RBFOX1: variants seen among roughly 807,000 people sequenced by gnomAD.
RBFOX1 encodes the protein RNA binding fox-1 homolog 1.
Under a neutral mutation model 57.7 loss-of-function variants are expected in RBFOX1, and 8 were observed. The ratio of observed to expected loss-of-function variants is 0.14; its 90% CI spans 0.08 to 0.25. The LOEUF (loss-of-function observed/expected upper bound fraction) is 0.25. RBFOX1 is among the 10% of genes least tolerant of loss of function. RBFOX1 has a pLI of 1.00. For missense variants in RBFOX1, 611 were observed against 548.5 expected (o/e 1.11, Z -1.14); for synonymous variants, 326 against 222.4 (o/e 1.47, Z -4.15).
At chr16:6,037,391 A>G (rs1039279466) in intron 1 of RBFOX1, 9 of 151,884 alleles carry the variant, frequency 5.9e-5, no homozygotes, top group Non-Finnish European at 1.3e-4. Context: ...TGATAGCTAG[A>G]CTTCCTGGTA....
chr16:5,818,914 G>A (rs7194628), intron 3 of RBFOX1, among the ~76,000 whole-genome samples: 1,686 of 152,188 alleles, frequency 0.011, 33 homozygotes, highest in African/African-American at 0.039. Flanking sequence ...CATCACCTTT[G>A]ACTCATCTCT....
chr16:6,551,166 A>G (rs1056030468), intron 2 of RBFOX1, among the ~76,000 whole-genome samples: 12 of 152,216 alleles, frequency 7.9e-5, no homozygotes, highest in African/African-American at 9.6e-5. Flanking sequence ...CTGTATGTCT[A>G]TATAGATCTA....
At chr16:6,341,954 G>A (rs1015949746) in intron 2 of RBFOX1, among the ~76,000 whole-genome samples, 10 of 152,176 alleles carry the variant, frequency 6.6e-5, no homozygotes, top group Admixed American at 5.9e-4. Context: ...CAACTGATTA[G>A]CAACCTTAAT....
chr16:5,931,268 T>C (rs970852292), intron 4 of RBFOX1, among the ~76,000 whole-genome samples: 1 of 152,162 alleles, frequency 6.6e-6, no homozygotes, highest in Non-Finnish European at 1.5e-5. Context: ...TCCACCTGTG[T>C]TCCTATTGAC....
At chr16:6,689,625 A>G (rs1232867275) in intron 3 of RBFOX1, among the ~76,000 whole-genome samples, 3 of 152,272 alleles carry the variant, frequency 2.0e-5, no homozygotes, top group Admixed American at 6.5e-5. Flanking sequence ...TGTATTTTAT[A>G]TCTTCCTGAA....
intron 1 of RBFOX1, among the ~76,000 whole-genome samples, chr16:6,138,846 G>A (rs545285300): frequency 4.9e-4 from 75 of 152,268 alleles, no homozygotes; most frequent in Non-Finnish European, 9.3e-4. Context: ...CAGCCTGGGC[G>A]ACAGAGTGAG....
intron 2 of RBFOX1, among the ~76,000 whole-genome samples, chr16:6,559,709 T>C (rs189407900): frequency 6.6e-6 from 1 of 152,286 alleles, no homozygotes; most frequent in East Asian, 1.9e-4. Context: ...TATATCCCTC[T>C]ATAATCTGTG....
chr16:6,247,245 G>T (rs527405977), intron 1 of RBFOX1, among the ~76,000 whole-genome samples: 134 of 152,298 alleles, frequency 8.8e-4, no homozygotes, highest in Middle Eastern at 3.4e-3. Context: ...CCAGGATCTT[G>T]CTGGACGTGT....
chr16:6,160,318 A>G (rs1293523505), intron 1 of RBFOX1, among the ~76,000 whole-genome samples: 1 of 152,192 alleles, frequency 6.6e-6, no homozygotes, highest in Non-Finnish European at 1.5e-5. Context: ...TAGGATATAT[A>G]TAGATAGTAA....
At chr16:5,536,737 A>G (rs1443699491) in intron 2 of RBFOX1, among the ~76,000 whole-genome samples, 1 of 151,768 alleles carries the variant, frequency 6.6e-6, no homozygotes, top group African/African-American at 2.4e-5. Context: ...GTCAACAGGG[A>G]GCAGGTGGTT....
rs761463452 is a variant in RBFOX1, at chr16:6,897,450, C to G, written c.-15-154607C>G. Among the ~76,000 whole-genome samples the G allele has an allele frequency of 1.3e-5, 2 of 152,102 alleles. 1 individual carries two copies. The highest frequency in any genetic ancestry group is 4.1e-4 in the South Asian group (2 of 4,828). On this transcript the variant is annotated intron_variant, in intron 3 of 15. Transcript: ENST00000550418. ...GCATTGACTGGGGCATGTCCTGACA[C>G]AGATTAAAACGTGATGTGGCTTCCC...
At chr16:7,684,597 AC>A (rs1425364986) in intron 14 of RBFOX1, among the ~76,000 whole-genome samples, 1 of 147,738 alleles carries the variant, frequency 6.8e-6, no homozygotes, top group Non-Finnish European at 1.5e-5. Flanking sequence ...AGTGGTTCTA[AC>A]GGGTCTTGGG....
intron 4 of RBFOX1, among the ~76,000 whole-genome samples, chr16:7,414,979 A>G (rs903947191): frequency 6.6e-6 from 1 of 152,212 alleles, no homozygotes; most frequent in Non-Finnish European, 1.5e-5. Context: ...AACATTACAG[A>G]TGAGGGGAGT....
chr16:6,973,235 C>A (rs1245783336), intron 3 of RBFOX1, among the ~76,000 whole-genome samples: 5 of 152,040 alleles, frequency 3.3e-5, no homozygotes, highest in Non-Finnish European at 7.4e-5. Flanking sequence ...GGTTCTTCCC[C>A]ATTAATAGCA....
At chr16:5,623,675 T>C (rs747976471) in intron 3 of RBFOX1, among the ~76,000 whole-genome samples, 1 of 152,076 alleles carries the variant, frequency 6.6e-6, no homozygotes, top group Non-Finnish European at 1.5e-5. Context: ...CTCTCTCTCT[T>C]CTCCCTACCT....
At chr16:7,308,564 A>G (rs2096245144) in intron 4 of RBFOX1, among the ~76,000 whole-genome samples, 1 of 152,186 alleles carries the variant, frequency 6.6e-6, no homozygotes, top group African/African-American at 2.4e-5. Flanking sequence ...AATTTTTCCC[A>G]CTTAATGATG....
chr16:7,561,503 T>C (rs2090363272), intron 5 of RBFOX1, among the ~76,000 whole-genome samples: 1 of 152,264 alleles, frequency 6.6e-6, no homozygotes, highest in African/African-American at 2.4e-5. Context: ...CGAAATATCC[T>C]GACTAGTGTC....
chr16:5,258,961 TC>T (rs2062659129), intron 1 of RBFOX1, among the ~76,000 whole-genome samples: 1 of 151,412 alleles, frequency 6.6e-6, no homozygotes. Flanking sequence ...AAAAGCACAC[TC>T]CATTTCCCAT....
intron 2 of RBFOX1, among the ~76,000 whole-genome samples, chr16:6,355,594 TA>T (rs2152855984): frequency 6.6e-6 from 1 of 152,328 alleles, no homozygotes; most frequent in Admixed American, 6.5e-5. Context: ...ACAATAAACA[TA>T]CATGTGCATA....
Sources: gnomAD v4.1 joint callset for allele counts (sites outside exome capture counted in the v4.1 genomes callset) on GRCh38, gnomAD v4.1.1 for gene constraint, MANE v1.5 for transcripts, NCBI Gene and HGNC (gene_info 2026-07-23, HGNC 2026-07-21) for gene names.